PDE8A: variants seen among roughly 807,000 people sequenced by gnomAD.
The protein encoded by PDE8A is high affinity cAMP-specific and IBMX-insensitive 3',5'-cyclic phosphodiesterase 8A.
A neutral mutation model predicts 105.0 loss-of-function variants in PDE8A; 59 were observed. That is an observed-to-expected ratio of 0.56 (90% CI 0.46 to 0.70). The LOEUF is 0.70. Among genes scored for constraint, PDE8A ranks in the 30% least tolerant of loss-of-function variants. The probability of loss-of-function intolerance (pLI) is 0.00; values close to 1 mark genes in which losing one functional copy is unlikely to be tolerated. For missense variants in PDE8A, 1,014 were observed against 1,045.9 expected, an observed-to-expected ratio of 0.97 and a Z score of 0.42; for synonymous variants, 355 against 371.9, an observed-to-expected ratio of 0.95 and a Z score of 0.52.
chr15:85,081,959 C>T (rs536342589), intron 5 of PDE8A, among the ~76,000 whole-genome samples: 1 of 151,676 alleles, frequency 6.6e-6, no homozygotes, highest in Admixed American at 6.6e-5. Context: ...GCCCTCACAT[C>T]CCCTCCACAG....
chr15:85,004,562 G>A (rs1263155418), intron 1 of PDE8A, among the ~76,000 whole-genome samples: 1 of 152,198 alleles, frequency 6.6e-6, no homozygotes, highest in Non-Finnish European at 1.5e-5. Context: ...CTCTGCGTTA[G>A]CATGAGGCAG....
At chr15:85,010,932 G>A (rs1225084523) in intron 1 of PDE8A, among the ~76,000 whole-genome samples, 1 of 152,028 alleles carries the variant, frequency 6.6e-6, no homozygotes, top group Non-Finnish European at 1.5e-5. Flanking sequence ...GACTTCATTT[G>A]TTCTGGCTTT....
chr15:85,071,894 G>T (rs900596672), intron 3 of PDE8A, among the ~76,000 whole-genome samples: 4 of 152,184 alleles, frequency 2.6e-5, no homozygotes, highest in African/African-American at 9.7e-5. Context: ...ATAAGACACT[G>T]TAGAACCTTT....
At chr15:85,029,167 C>T (rs1457781393) in intron 1 of PDE8A, among the ~76,000 whole-genome samples, 1 of 152,036 alleles carries the variant, frequency 6.6e-6, no homozygotes, top group Non-Finnish European at 1.5e-5. Flanking sequence ...TTAGGCAGCC[C>T]AGCCCTGAAA....
At chr15:85,005,272 A>G (rs537852281) in intron 1 of PDE8A, among the ~76,000 whole-genome samples, 29 of 152,146 alleles carry the variant, frequency 1.9e-4, no homozygotes, top group African/African-American at 7.0e-4. Context: ...GCACCACCAC[A>G]TCTGGCTAAT....
intron 8 of PDE8A, among the ~76,000 whole-genome samples, chr15:85,094,708 G>A (rs1327269647): frequency 1.3e-5 from 2 of 152,080 alleles, no homozygotes; most frequent in African/African-American, 4.8e-5. Context: ...AAATCCACAA[G>A]CATTGATGGC....
chr15:85,048,529 C>T (rs557491199), intron 1 of PDE8A, among the ~76,000 whole-genome samples: 4 of 152,136 alleles, frequency 2.6e-5, no homozygotes, highest in Non-Finnish European at 5.9e-5. Flanking sequence ...AACTGTGCCC[C>T]ATACTGTAGG....
At position 85,120,982 on chromosome 15, in the gene PDE8A, T is replaced by G. The variant is rs2082171971; in HGVS notation, c.1920T>G (p.Asp640Glu). ...TGGCCTTCCAGCTGACCACTGGAGA[T>G]GATAAATGCAATATATTTAAAAACA... ...AALAFQLTTG[D>E]DKCNIFKNME... Residue 640 changes from aspartate (D) to glutamate (E), a missense_variant, in exon 18 of 22, where the codon GAT becomes GAG. Coordinates refer to ENST00000394553, the MANE Select transcript of PDE8A (RefSeq NM_002605.3). 6.2e-7 allele frequency: 1 copy of G among 1,612,142 alleles called. No individual in the cohort carries two copies. The highest frequency in any genetic ancestry group is 2.2e-5 in the East Asian group (1 of 44,868).
intron 1 of PDE8A, among the ~76,000 whole-genome samples, chr15:85,017,887 C>CAAAAAAAAAAAAAAAAAAA (rs35782842): frequency 6.2e-5 from 5 of 81,232 alleles, no homozygotes; most frequent in Admixed American, 1.5e-4. Flanking sequence ...AACTCCGTCT[C>CAAAAAAAAAAAAAAAAAAA]AAAAAAAAAA....
chr15:85,070,987 T>C (rs2081302112), intron 3 of PDE8A, among the ~76,000 whole-genome samples: 1 of 152,016 alleles, frequency 6.6e-6, no homozygotes, highest in Non-Finnish European at 1.5e-5. Context: ...CCTCCCAACT[T>C]CCTATCAAAA....
chr15:85,119,102 C>T (rs1454181497), intron 17 of PDE8A, among the ~76,000 whole-genome samples: 1 of 152,034 alleles, frequency 6.6e-6, no homozygotes, highest in Non-Finnish European at 1.5e-5. Flanking sequence ...ATAAAGAACC[C>T]AATTTTTGCT....
At chr15:85,115,412 T>C (rs1429128919) in intron 14 of PDE8A, 27 bp from the exon 15 acceptor site, 4 of 1,492,342 alleles carry the variant, frequency 2.7e-6, no homozygotes, top group Non-Finnish European at 2.7e-6. Flanking sequence ...TGACTTTTCT[T>C]TTTCTTGTTT....
chr15:84,993,187 T>C (rs1215873203), intron 1 of PDE8A, among the ~76,000 whole-genome samples: 17 of 151,792 alleles, frequency 1.1e-4, no homozygotes, highest in Admixed American at 5.9e-4. Context: ...CTCATGCCTG[T>C]AATCCCAGCA....
At position 85,052,846 on chromosome 15, in the gene PDE8A, T is replaced by G. The variant is rs563299246; in HGVS notation, c.187-11524T>G. On this transcript the variant is annotated intron_variant, in intron 1 of 21. Coordinates refer to ENST00000394553, the MANE Select transcript of PDE8A (RefSeq NM_002605.3). ...AGTTTAATTAGATCCCATTTGTCAA[T>G]TTTGGCTTTTGTTGCCATTGCTTTT... 7.9e-5 allele frequency among the ~76,000 whole-genome samples: 12 copies of G among 152,350 alleles called. No homozygotes were observed. In the South Asian group the frequency reaches 2.3e-3, roughly 29 times the overall value.
intron 17 of PDE8A, 78 bp downstream of exon 17, chr15:85,117,917 A>G: frequency 9.0e-7 from 1 of 1,113,842 alleles, no homozygotes; most frequent in South Asian, 1.2e-5. Context: ...CCACTAAGAT[A>G]CATAGCATGA....
intron 1 of PDE8A, among the ~76,000 whole-genome samples, chr15:84,982,557 A>G (rs919559182): frequency 5.3e-5 from 8 of 151,960 alleles, no homozygotes; most frequent in African/African-American, 1.2e-4. Context: ...CTGATTTCCT[A>G]GGGTTGCGAT....
At chr15:85,015,547 AC>A (rs1431705484) in intron 1 of PDE8A, among the ~76,000 whole-genome samples, 1 of 152,120 alleles carries the variant, frequency 6.6e-6, no homozygotes, top group African/African-American at 2.4e-5. Context: ...TAAGGGTTGT[AC>A]CATTCTGAAT....
Position 85,138,334 on chromosome 15 carries a change from A to G in PDE8A, c.*431A>G, listed in dbSNP as rs77071680. 1,359 of 154,756 alleles carry G rather than the reference A, an allele frequency of 8.8e-3. 14 individuals are homozygous for G. Among genetic ancestry groups the G allele is most frequent in the African/African-American group, 0.03 (1,270 of 41,646 alleles). The allele number at this position is 154,756 out of a possible 1,614,324, so 9.6% of individuals were successfully genotyped here. A position where few individuals can be genotyped will look rare whatever the true frequency, so the allele number is the denominator to read the frequency against. The stretch of plus-strand genomic sequence containing the variant: ...ACTTTTTCACATCATAGAAGGTGCA[A>G]TCGCTCACTTGGGAACACTACTGAG... On this transcript the variant is annotated 3_prime_UTR_variant, in exon 22 of 22. Transcript: ENST00000394553.
chr15:85,005,506 C>A (rs914439702), intron 1 of PDE8A, among the ~76,000 whole-genome samples: 1 of 152,124 alleles, frequency 6.6e-6, no homozygotes, highest in East Asian at 1.9e-4. Flanking sequence ...TTTTATAGCA[C>A]CTCCGTCTTG....
Sources: allele counts gnomAD v4.1 joint callset (sites outside exome capture counted in the v4.1 genomes callset), GRCh38; gene constraint gnomAD v4.1.1; transcripts MANE v1.5; gene names NCBI Gene and HGNC (gene_info 2026-07-23, HGNC 2026-07-21).